The following CLVS1 variants were observed in gnomAD, a reference collection of about 807,000 sequenced individuals.
CLVS1 encodes the protein clavesin 1.
A neutral mutation model predicts 33.1 loss-of-function variants in CLVS1; 10 were observed. That is an observed-to-expected ratio of 0.30 (90% CI 0.19 to 0.51). The LOEUF (loss-of-function observed/expected upper bound fraction) is 0.51. Ranked by LOEUF, CLVS1 falls within the 20% of genes least tolerant of loss-of-function variation. CLVS1 has a pLI of 0.97. For missense variants in CLVS1, 343 were observed against 433.4 expected, an observed-to-expected ratio of 0.79 and a Z score of 1.85; for synonymous variants, 163 against 166.1, an observed-to-expected ratio of 0.98 and a Z score of 0.14.
chr8:61,106,410 C>T (rs956295806), intron 1 of CLVS1, among the ~76,000 whole-genome samples: 10 of 152,156 alleles, frequency 6.6e-5, no homozygotes, highest in Non-Finnish European at 1.0e-4. Context: ...TTTAAAGAAA[C>T]GTAGAATGAA....
At chr8:61,007,814 A>G in the CLVS1 span, among the ~76,000 whole-genome samples, 1 of 152,208 alleles carries the variant, frequency 6.6e-6, no homozygotes. Flanking sequence ...CCCTGGGTAC[A>G]GACAACGGAA....
At chr8:61,459,692 T>TG (rs1236844569) in intron 5 of CLVS1, among the ~76,000 whole-genome samples, 1 of 152,134 alleles carries the variant, frequency 6.6e-6, no homozygotes, top group Non-Finnish European at 1.5e-5. Context: ...ACTGTAGAGG[T>TG]GGGCCCTTGT....
At chr8:61,232,211 TAC>T (rs2129312280) in intron 2 of CLVS1, among the ~76,000 whole-genome samples, 1 of 151,722 alleles carries the variant, frequency 6.6e-6, no homozygotes, top group Admixed American at 6.6e-5. Context: ...ATTTTTTGTA[TAC>T]TTTTAGTAGA....
chr8:61,285,959 GTT>G (rs34918981), upstream of CLVS1, among the ~76,000 whole-genome samples: 36,578 of 135,034 alleles, frequency 0.27, 7,645 homozygotes, highest in East Asian at 0.83. Flanking sequence ...TTTCCCTGTA[GTT>G]TTTTTTTTTT....
Position 61,280,459 on chromosome 8 carries a change from G to T in CLVS1, c.-151-19218G>T, listed in dbSNP as rs188272594. On this transcript the variant is annotated intron_variant, in intron 2 of 2. Coordinates refer to the CLVS1 transcript ENST00000522621. The stretch of plus-strand genomic sequence containing the variant: ...ATTCTCATTGTATAATAGAATAGTG[G>T]TTCAGAGAATTGACCTTGGAAACAG... 3.8e-3 allele frequency among the ~76,000 whole-genome samples: 577 copies of T among 152,266 alleles called. 2 individuals carry two copies. The highest frequency in any genetic ancestry group is 0.013 in the African/African-American group (546 of 41,548).
At chr8:61,015,508 C>T in the CLVS1 span, among the ~76,000 whole-genome samples, 2 of 152,218 alleles carry the variant, frequency 1.3e-5, no homozygotes, top group African/African-American at 4.8e-5. Flanking sequence ...CAATGTCAGG[C>T]TTTCTTCAGA....
the CLVS1 span, among the ~76,000 whole-genome samples, chr8:60,978,286 A>G: frequency 3.3e-5 from 5 of 152,250 alleles, no homozygotes; most frequent in Non-Finnish European, 5.9e-5. Flanking sequence ...TATGGTATGT[A>G]TCTTCTTTTC....
chr8:61,131,911 C>T (rs888413144), intron 2 of CLVS1: 3 of 152,288 alleles, frequency 2.0e-5, no homozygotes, highest in Admixed American at 1.3e-4. Context: ...CTTCAGTGCT[C>T]GGGGATTTCC....
chr8:61,418,309 T>C (rs969995675), intron 3 of CLVS1, among the ~76,000 whole-genome samples: 2 of 152,200 alleles, frequency 1.3e-5, no homozygotes, highest in African/African-American at 4.8e-5. Flanking sequence ...GTGACCAGCC[T>C]GGGCAACATA....
chr8:61,200,458 T>C (rs1368487690), intron 2 of CLVS1, among the ~76,000 whole-genome samples: 1 of 152,254 alleles, frequency 6.6e-6, no homozygotes, highest in East Asian at 1.9e-4. Context: ...AATGCATCGT[T>C]CCATATGCAG....
At chr8:61,359,056 C>A (rs536870143) in intron 2 of CLVS1, among the ~76,000 whole-genome samples, 2 of 152,222 alleles carry the variant, frequency 1.3e-5, no homozygotes, top group South Asian at 4.2e-4. Flanking sequence ...CTGAAATTAT[C>A]TTGTTGATAC....
intron 1 of CLVS1, among the ~76,000 whole-genome samples, chr8:61,058,252 G>A (rs748793732): frequency 1.1e-4 from 17 of 152,144 alleles, no homozygotes; most frequent in Non-Finnish European, 2.2e-4. Context: ...GGGGTTTGAT[G>A]GGATTGTGCA....
intron 3 of CLVS1, among the ~76,000 whole-genome samples, chr8:61,440,761 A>G (rs746274430): frequency 6.6e-6 from 1 of 152,218 alleles, no homozygotes; most frequent in Non-Finnish European, 1.5e-5. Context: ...ATGAACCTGC[A>G]GAAAAAACCT....
At chr8:61,489,924 A>G (rs960719140) in intron 5 of CLVS1, among the ~76,000 whole-genome samples, 8 of 152,220 alleles carry the variant, frequency 5.3e-5, no homozygotes, top group African/African-American at 1.9e-4. Flanking sequence ...TACTTGTAGC[A>G]ATACAATACT....
intron 2 of CLVS1, among the ~76,000 whole-genome samples, chr8:61,258,174 T>C (rs1197697897): frequency 6.6e-6 from 1 of 152,196 alleles, no homozygotes; most frequent in African/African-American, 2.4e-5. Flanking sequence ...AATCTCATTT[T>C]AATAGCAAAA....
chr8:61,100,666 C>T (rs961999453), intron 1 of CLVS1, among the ~76,000 whole-genome samples: 1 of 152,144 alleles, frequency 6.6e-6, no homozygotes, highest in African/African-American at 2.4e-5. Context: ...AACTTTAGAA[C>T]ATTTTCGTCA....
At chr8:61,193,465 A>G (rs1208907487) in intron 2 of CLVS1, among the ~76,000 whole-genome samples, 1 of 152,084 alleles carries the variant, frequency 6.6e-6, no homozygotes, top group Non-Finnish European at 1.5e-5. Flanking sequence ...ACATGTATAC[A>G]TATGTAACAA....
At chr8:61,059,378 G>A (rs1274800314) in intron 1 of CLVS1, among the ~76,000 whole-genome samples, 3 of 147,408 alleles carry the variant, frequency 2.0e-5, no homozygotes. Context: ...TTGAATGTTT[G>A]GTTTTTTTAT....
At chr8:61,470,532 T>C (rs563268495) in intron 5 of CLVS1, among the ~76,000 whole-genome samples, 7 of 152,330 alleles carry the variant, frequency 4.6e-5, no homozygotes, top group Non-Finnish European at 1.5e-5. Context: ...AAGGGAGATA[T>C]AGCCTAGGCA....
Sources: gnomAD v4.1 joint callset for allele counts (sites outside exome capture counted in the v4.1 genomes callset) on GRCh38, gnomAD v4.1.1 for gene constraint, MANE v1.5 for transcripts, NCBI Gene and HGNC (gene_info 2026-07-23, HGNC 2026-07-21) for gene names.